The following SYN3 variants were observed in gnomAD, a reference collection of about 807,000 sequenced individuals.
The protein encoded by SYN3 is synapsin III.
In SYN3, 35 loss-of-function variants were observed where a neutral mutation model predicts 65.8. That is an observed-to-expected ratio of 0.53 (90% confidence interval 0.41 to 0.70). SYN3 has a LOEUF of 0.70. Ranked by LOEUF, SYN3 falls within the 30% of genes least tolerant of loss-of-function variation. The pLI is 0.00. For synonymous variants in SYN3, 270 were observed against 292.9 expected, an observed-to-expected ratio of 0.92 and a Z score of 0.80; for missense variants, 680 against 749.0, an observed-to-expected ratio of 0.91 and a Z score of 1.08.
At chr22:32,985,146 T>A (rs2052486502) in intron 2 of SYN3, among the ~76,000 whole-genome samples, 1 of 152,174 alleles carries the variant, frequency 6.6e-6, no homozygotes, top group Non-Finnish European at 1.5e-5. Flanking sequence ...CTCATAGTAG[T>A]AGCCACCTCA....
At chr22:33,036,865 A>G (rs1467583962) in intron 1 of SYN3, among the ~76,000 whole-genome samples, 11 of 151,802 alleles carry the variant, frequency 7.2e-5, no homozygotes, top group Admixed American at 6.6e-4. Flanking sequence ...CTAATTTTGT[A>G]TTTTTAGTAG....
intron 7 of SYN3, among the ~76,000 whole-genome samples, chr22:32,569,759 A>G (rs1031256375): frequency 2.0e-5 from 3 of 152,098 alleles, no homozygotes; most frequent in Non-Finnish European, 4.4e-5. Context: ...TCTAAACCTT[A>G]ATTTTCTCAT....
At chr22:32,814,866 G>C (rs868554701) in intron 6 of SYN3, among the ~76,000 whole-genome samples, 1 of 151,898 alleles carries the variant, frequency 6.6e-6, no homozygotes, top group Admixed American at 6.6e-5. Context: ...ATGCAATTTT[G>C]AATTTTCCCA....
chr22:33,049,305 G>T (rs973185277), intron 1 of SYN3, among the ~76,000 whole-genome samples: 7 of 152,158 alleles, frequency 4.6e-5, no homozygotes, highest in African/African-American at 1.7e-4. Context: ...GGCCTTGGAA[G>T]GTGGGCTCCC....
intron 6 of SYN3, among the ~76,000 whole-genome samples, chr22:32,689,763 A>C (rs2060637907): frequency 6.6e-6 from 1 of 152,148 alleles, no homozygotes; most frequent in Non-Finnish European, 1.5e-5. Flanking sequence ...ATGCCCTCTC[A>C]ATAGTCATGC....
intron 6 of SYN3, among the ~76,000 whole-genome samples, chr22:32,642,479 C>G (rs5754178): frequency 6.6e-6 from 1 of 150,902 alleles, no homozygotes; most frequent in Non-Finnish European, 1.5e-5. Flanking sequence ...CTTGCTCTGT[C>G]GCCCAGGCTG....
At chr22:33,025,433 C>CAA (rs33919912) in intron 1 of SYN3, among the ~76,000 whole-genome samples, 26 of 78,682 alleles carry the variant, frequency 3.3e-4, no homozygotes, top group African/African-American at 5.2e-4. Context: ...GACTCCGTCT[C>CAA]AAAAAAAAAA....
chr22:32,690,830 T>C (rs1234098464), intron 6 of SYN3, among the ~76,000 whole-genome samples: 1 of 152,142 alleles, frequency 6.6e-6, no homozygotes, highest in Admixed American at 6.5e-5. Context: ...CTTCATTTCT[T>C]CTGCCCACAT....
In SYN3 at chr22:33,006,590, G is replaced by C. The variant is rs778566051; in HGVS notation, c.73C>G (p.Leu25Val). Reference protein sequence around the residue: ...ANLPNGYMTDLQRPDSSTSSP... With the variant: ...ANLPNGYMTDVQRPDSSTSSP... The stretch of plus-strand genomic sequence containing the variant: ...CTGGTGGAGCTATCTGGGCGTTGCA[G>C]GTCCGTCATATAGCCATTAGGCAGG... Residue 25 changes from leucine (L) to valine (V), a missense_variant, in exon 2 of 14, where the codon CTG becomes GTG. Transcript: ENST00000358763. 5.6e-6 allele frequency: 9 copies of C among 1,613,724 alleles called. No homozygotes were observed. In the Middle Eastern group the frequency reaches 4.9e-4, roughly 88 times the overall value.
intron 6 of SYN3, among the ~76,000 whole-genome samples, chr22:32,848,815 G>C (rs562975396): frequency 6.6e-6 from 1 of 152,268 alleles, no homozygotes; most frequent in African/African-American, 2.4e-5. Context: ...GTTCTGTCTG[G>C]CTCCTGAGCC....
chr22:33,006,230 A>G (rs1329475038), intron 2 of SYN3, 122 bp downstream of exon 2: 2 of 1,188,266 alleles, frequency 1.7e-6, no homozygotes, highest in Non-Finnish European at 2.3e-6. Flanking sequence ...CCTTCTCTCC[A>G]GCCAGGCTCT....
chr22:32,563,841 G>A (rs548089866), intron 7 of SYN3, among the ~76,000 whole-genome samples: 1 of 152,110 alleles, frequency 6.6e-6, no homozygotes, highest in Non-Finnish European at 1.5e-5. Flanking sequence ...GGCTAATTTT[G>A]TATTTTTAGT....
chr22:32,549,106 C>G (rs1186843729), intron 7 of SYN3, among the ~76,000 whole-genome samples: 2 of 152,112 alleles, frequency 1.3e-5, no homozygotes, highest in Non-Finnish European at 2.9e-5. Context: ...ACTGCTGACC[C>G]ACATGCTCCT....
intron 7 of SYN3, among the ~76,000 whole-genome samples, chr22:32,546,943 C>CTTCT (rs2058344471): frequency 6.6e-6 from 1 of 150,782 alleles, no homozygotes; most frequent in Non-Finnish European, 1.5e-5. Flanking sequence ...TCTCCCCTTT[C>CTTCT]CTCTAACACT....
chr22:32,654,069 C>T (rs1328078402), intron 6 of SYN3, among the ~76,000 whole-genome samples: 1 of 152,244 alleles, frequency 6.6e-6, no homozygotes, highest in African/African-American at 2.4e-5. Flanking sequence ...AGTACCCACA[C>T]TGGGGGCCTG....
chr22:32,759,175 G>T lies in SYN3; in HGVS notation c.711+105740C>A, dbSNP rs117340739. Among the ~76,000 whole-genome samples the T allele has an allele frequency of 8.2e-3, 1,247 of 152,280 alleles. 9 individuals are homozygous for T. The highest frequency in any genetic ancestry group is 0.012 in the Non-Finnish European group (794 of 68,026). On this transcript the variant is annotated intron_variant, in intron 6 of 13. Transcript: ENST00000358763. Reference sequence around the variant, plus strand: ...GCCCCAGAATTAGACAGGGAATCCAGCTTGCCTTTCCACTGCTGCATTCCC... The same window carrying T: ...GCCCCAGAATTAGACAGGGAATCCATCTTGCCTTTCCACTGCTGCATTCCC...
Position 32,643,029 on chromosome 22 carries a change from T to C in SYN3, c.712-46293A>G, listed in dbSNP as rs564531868. Among the ~76,000 whole-genome samples the C allele has an allele frequency of 5.9e-5, 9 of 152,332 alleles. No homozygotes were observed. The South Asian group carries it at 1.9e-3, about 32-fold the overall frequency. ...CAATTTACACTTAAAAAGATGAGCT[T>C]ATAAAAGTGATAGGGAAACCTTTTT... On this transcript the variant is annotated intron_variant, in intron 6 of 13. Coordinates refer to ENST00000358763, the MANE Select transcript of SYN3 (RefSeq NM_003490.4).
chr22:32,902,443 C>T (rs1219953646), intron 4 of SYN3, among the ~76,000 whole-genome samples: 3 of 152,186 alleles, frequency 2.0e-5, no homozygotes, highest in Non-Finnish European at 2.9e-5. Context: ...CTGGCCAATA[C>T]CTCCAAGGTC....
intron 6 of SYN3, among the ~76,000 whole-genome samples, chr22:32,845,426 G>A (rs867452540): frequency 1.4e-4 from 21 of 152,138 alleles, no homozygotes; most frequent in Middle Eastern, 3.4e-3. Context: ...TCTTGACCTC[G>A]TGATCTGCCC....
Sources: allele counts gnomAD v4.1 joint callset (sites outside exome capture counted in the v4.1 genomes callset), GRCh38; gene constraint gnomAD v4.1.1; transcripts MANE v1.5; gene names NCBI Gene and HGNC (gene_info 2026-07-23, HGNC 2026-07-21).